Variants in AHCY observed in about 807,000 individuals in gnomAD.
AHCY encodes adenosylhomocysteinase.
Under a neutral mutation model 45.4 loss-of-function variants are expected in AHCY, and 24 were observed. That is an observed-to-expected ratio of 0.53 (90% CI 0.38 to 0.74). The LOEUF is 0.74. Ranked by LOEUF, AHCY falls within the 30% of genes least tolerant of loss-of-function variation. The pLI is 0.00. For missense variants in AHCY, 449 were observed against 594.1 expected (o/e 0.76, Z 2.54); for synonymous variants, 245 against 235.1 (o/e 1.04, Z -0.39).
rs1226990084 is a variant in AHCY, at chr20:34,290,129, T to A, written c.972+203A>T. Among the ~76,000 whole-genome samples the A allele has an allele frequency of 2.6e-5, 4 of 152,228 alleles. No homozygotes were observed. The highest frequency in any genetic ancestry group is 5.9e-5 in the Non-Finnish European group (4 of 68,046). Reference sequence around the variant, plus strand: ...TTTCTAAAACTACAGCCTCACCACATACAGCTCACCTGCCTGATACCTTCA... The same window carrying A: ...TTTCTAAAACTACAGCCTCACCACAAACAGCTCACCTGCCTGATACCTTCA... On this transcript the variant is annotated intron_variant, in intron 8 of 9. Transcript: ENST00000217426. This position sits in a 1 kb window ranked among gnomAD's most constrained non-coding sequence, Gnocchi z 4.5.
chr20:34,248,474 C>T, the AHCY span, among the ~76,000 whole-genome samples: 1 of 152,136 alleles, frequency 6.6e-6, no homozygotes, highest in African/African-American at 2.4e-5. Flanking sequence ...TTTCAGAGGT[C>T]AGATTTATTC....
At chr20:34,235,653 G>A in the AHCY span, among the ~76,000 whole-genome samples, 3 of 151,732 alleles carry the variant, frequency 2.0e-5, no homozygotes, top group East Asian at 3.9e-4. Context: ...GCATGGTAGC[G>A]CATGCCTGTG....
intron 5 of AHCY, 102 bp downstream of exon 5, chr20:34,291,317 G>T: frequency 9.0e-7 from 1 of 1,112,980 alleles, no homozygotes; most frequent in Non-Finnish European, 1.4e-6. Flanking sequence ...TCAAATGAGG[G>T]CTTCATGTCC....
the AHCY span, among the ~76,000 whole-genome samples, chr20:34,263,913 C>T: frequency 2.0e-5 from 3 of 152,002 alleles, no homozygotes; most frequent in Non-Finnish European, 2.9e-5. Flanking sequence ...TCAGGTGATC[C>T]ACCTGCCTCA....
chr20:34,292,388 T>C lies in AHCY; in HGVS notation c.415A>G (p.Ile139Val). 1 of 1,613,562 alleles carries C rather than the reference T, an allele frequency of 6.2e-7. No homozygotes were observed. Among genetic ancestry groups the C allele is most frequent in the Non-Finnish European group, 8.5e-7 (1 of 1,179,982 alleles). ...LDDGGDLTNL[I>V]HTKYPQLLPG... ...AGAAGCTGCGGGTACTTGGTGTGGA[T>C]GAGGTTGGTGAGGTCGCCCCCGTCG... is the stretch of plus-strand genomic sequence containing the variant. Residue 139 changes from isoleucine (I) to valine (V), a missense_variant, in exon 4 of 10, where the codon ATC (isoleucine) becomes GTC (valine). Ile to Val is a conservative substitution (Grantham distance 29, BLOSUM62 3). Coordinates refer to ENST00000217426, the MANE Select transcript of AHCY (RefSeq NM_000687.4).
At chr20:34,242,240 CTTAT>C in the AHCY span, among the ~76,000 whole-genome samples, 15 of 149,916 alleles carry the variant, frequency 1.0e-4, no homozygotes, top group African/African-American at 3.2e-4. Flanking sequence ...TATTTATTTA[CTTAT>C]TTATTTTTGA....
the AHCY span, among the ~76,000 whole-genome samples, chr20:34,273,800 T>C: frequency 6.6e-6 from 1 of 152,120 alleles, no homozygotes; most frequent in Non-Finnish European, 1.5e-5. Flanking sequence ...GGAGCGGGTA[T>C]TGGGTTCAGG....
chr20:34,271,462 T>G, the AHCY span, among the ~76,000 whole-genome samples: 1 of 152,166 alleles, frequency 6.6e-6, no homozygotes, highest in Non-Finnish European at 1.5e-5. Context: ...TAGGAAGATT[T>G]GCCCTACCTT....
chr20:34,267,084 T>TA, the AHCY span, among the ~76,000 whole-genome samples: 11 of 152,156 alleles, frequency 7.2e-5, no homozygotes, highest in African/African-American at 2.7e-4. Flanking sequence ...TATTGACAGA[T>TA]AAAAATATAT....
upstream of AHCY, among the ~76,000 whole-genome samples, chr20:34,305,354 G>T (rs999982477): frequency 2.6e-5 from 4 of 151,924 alleles, no homozygotes; most frequent in South Asian, 2.1e-4. Flanking sequence ...TAAGAATTAA[G>T]GTCTTCTATG....
At chr20:34,242,075 G>A in the AHCY span, among the ~76,000 whole-genome samples, 22 of 152,250 alleles carry the variant, frequency 1.4e-4, no homozygotes, top group African/African-American at 5.1e-4. Context: ...TCAATTGTAG[G>A]TGAGTTCGCT....
chr20:34,291,354 TC>T, intron 5 of AHCY, 64 bp downstream of exon 5: 1 of 1,458,214 alleles, frequency 6.9e-7, no homozygotes, highest in East Asian at 2.3e-5. Flanking sequence ...TGGGCACTCT[TC>T]TTCAGAGGCC....
At chr20:34,284,038 G>A (rs1029212853) in intron 9 of AHCY, among the ~76,000 whole-genome samples, 1 of 152,200 alleles carries the variant, frequency 6.6e-6, no homozygotes, top group Non-Finnish European at 1.5e-5. Context: ...TAAAACATCT[G>A]TCCTGACCCC....
rs767550579 is a variant in AHCY, at chr20:34,290,362, G to A, written c.942C>T (p.Asn314=). The A allele has an allele frequency of 4.3e-5, 69 of 1,613,898 alleles. No individual in the cohort carries two copies. Among genetic ancestry groups the A allele is most frequent in the East Asian group, 2.5e-4 (11 of 44,880 alleles). Residue 314 remains asparagine (N), a synonymous_variant, in exon 8 of 10, where the codon AAC becomes AAT. Transcript: ENST00000217426. The surrounding 1 kb of genome is among the most constrained non-coding windows in gnomAD (Gnocchi z 4.5). ...GCTTGATGTTCACCTTCTCCACGGC[G>A]TTCTCGTTGAGCCACTTGACATCGA... ...VEIDVKWLNE[N]AVEKVNIKPQ...
the AHCY span, among the ~76,000 whole-genome samples, chr20:34,245,519 C>T: frequency 1.3e-5 from 2 of 151,424 alleles, no homozygotes; most frequent in African/African-American, 4.8e-5. Flanking sequence ...TCCTGAGTAG[C>T]TGGGACTACA....
chr20:34,301,990 G>A lies in AHCY; in HGVS notation c.28+1253C>T, dbSNP rs1568815588. On this transcript the variant is annotated intron_variant, in intron 1 of 9. Transcript: ENST00000217426. ...TGGATGGCATTCTCCAGACTTAATA[G>A]TGTCTTTTTTTGTTTGTTTTTTTTT... 6.2e-6 allele frequency: 6 copies of A among 973,046 alleles called. No homozygotes were observed. In the African/African-American group the frequency reaches 1.1e-4, roughly 17 times the overall value. 60.3% of individuals were successfully genotyped at this position (973,046 alleles called of 1,614,324 possible).
At chr20:34,293,000 T>C (rs1205200457) in intron 3 of AHCY, among the ~76,000 whole-genome samples, 2 of 152,050 alleles carry the variant, frequency 1.3e-5, no homozygotes, top group East Asian at 3.9e-4. Flanking sequence ...ACTGGAGCAC[T>C]AGCAGCCTCT....
chr20:34,302,502 CTCA>C (rs2036811406), intron 1 of AHCY: 2 of 715,040 alleles, frequency 2.8e-6, no homozygotes, highest in African/African-American at 3.9e-5. Context: ...CCTCAGGATT[CTCA>C]TCATAAAATG....
chr20:34,306,079 CAAAAAAAAAAAA>C (rs56039506), upstream of AHCY, among the ~76,000 whole-genome samples: 3,524 of 103,134 alleles, frequency 0.034, 175 homozygotes, highest in African/African-American at 0.11. Context: ...AAGACTGCCT[CAAAAAAAAAAAA>C]AAAAAAAGAA....
Sources: allele counts gnomAD v4.1 joint callset (sites outside exome capture counted in the v4.1 genomes callset), GRCh38; gene constraint gnomAD v4.1.1; non-coding constraint Gnocchi (gnomAD v3.1); transcripts MANE v1.5; gene names NCBI Gene and HGNC (gene_info 2026-07-23, HGNC 2026-07-21).